The following CUX1 variants were observed in gnomAD, a reference collection of about 807,000 sequenced individuals.
The protein encoded by CUX1 is protein CASP.
CUX1 carries 31 observed loss-of-function variants against 158.8 expected under a neutral mutation model. The ratio of observed to expected loss-of-function variants is 0.20; its 90% CI spans 0.15 to 0.26. The LOEUF is 0.26. CUX1 is among the 10% of genes least tolerant of loss of function. CUX1 has a pLI of 1.00. For synonymous variants in CUX1, 879 were observed against 862.1 expected, an observed-to-expected ratio of 1.02 and a Z score of -0.34; for missense variants, 1,589 against 2,014.6, an observed-to-expected ratio of 0.79 and a Z score of 4.04.
chr7:101,932,328 T>A (rs1352677901), intron 2 of CUX1: 2 of 288,982 alleles, frequency 6.9e-6, no homozygotes, highest in Admixed American at 4.5e-5. Flanking sequence ...TGGGGTCAGG[T>A]GTGTTCACAT....
At chr7:102,071,391 G>T (rs984753821) in intron 4 of CUX1, among the ~76,000 whole-genome samples, 3 of 152,148 alleles carry the variant, frequency 2.0e-5, no homozygotes, top group Admixed American at 1.3e-4. Flanking sequence ...GAACTCTCTG[G>T]TCCTGTTTGT....
At chr7:102,108,209 CTAATA>C (rs1331977525) in intron 6 of CUX1, among the ~76,000 whole-genome samples, 6 of 152,006 alleles carry the variant, frequency 3.9e-5, no homozygotes, top group South Asian at 2.1e-4. Flanking sequence ...AGAAACGTAC[CTAATA>C]TAATATGAAG....
At chr7:101,953,689 G>T (rs933583079) in intron 2 of CUX1, among the ~76,000 whole-genome samples, 1 of 152,182 alleles carries the variant, frequency 6.6e-6, no homozygotes, top group Non-Finnish European at 1.5e-5. Flanking sequence ...TAGATAAGGC[G>T]CTGGATCAGC....
intron 3 of CUX1, among the ~76,000 whole-genome samples, chr7:102,038,028 C>T (rs1446901576): frequency 2.1e-5 from 3 of 141,472 alleles, no homozygotes; most frequent in African/African-American, 5.3e-5. Flanking sequence ...CCAGCCTGGG[C>T]GACAGAGTGA....
At chr7:102,160,881 G>C (rs1207891587) in intron 9 of CUX1, among the ~76,000 whole-genome samples, 1 of 152,164 alleles carries the variant, frequency 6.6e-6, no homozygotes, top group South Asian at 2.1e-4. Context: ...CCACGTAAAC[G>C]TCCTTGACGC....
chr7:102,004,081 G>C (rs1323926991), intron 2 of CUX1, among the ~76,000 whole-genome samples: 1 of 152,196 alleles, frequency 6.6e-6, no homozygotes, highest in African/African-American at 2.4e-5. Flanking sequence ...CCTGCACCTG[G>C]ATGCAGTGGG....
chr7:102,041,529 C>A (rs1221870942), intron 3 of CUX1, among the ~76,000 whole-genome samples: 1 of 151,978 alleles, frequency 6.6e-6, no homozygotes, highest in South Asian at 2.1e-4. Flanking sequence ...GCTGAGATTA[C>A]AAGCATGAGC....
At chr7:102,276,308 T>C (rs1791602345) in intron 17 of CUX1, among the ~76,000 whole-genome samples, 1 of 152,172 alleles carries the variant, frequency 6.6e-6, no homozygotes, top group Non-Finnish European at 1.5e-5. Flanking sequence ...GTTTTGGTTG[T>C]GTTTGTTTTT....
chr7:102,123,138 GGA>G (rs782097017), intron 8 of CUX1, among the ~76,000 whole-genome samples: 7 of 152,154 alleles, frequency 4.6e-5, no homozygotes, highest in Non-Finnish European at 1.0e-4. Context: ...GGCTAAGGTA[GGA>G]TAATTGCTTG....
At chr7:102,278,983 T>C (rs1586535320) in intron 18 of CUX1, among the ~76,000 whole-genome samples, 1 of 151,978 alleles carries the variant, frequency 6.6e-6, no homozygotes, top group Admixed American at 6.6e-5. Context: ...CAGGCTGCAG[T>C]GAGCTGAGAT....
chr7:102,259,764 AAAG>A (rs1554543246), downstream of CUX1, among the ~76,000 whole-genome samples: 19 of 140,994 alleles, frequency 1.3e-4, no homozygotes, highest in African/African-American at 5.0e-4. Flanking sequence ...AAAAGAAAGA[AAAG>A]AGAAAGGAAG....
intron 16 of CUX1, among the ~76,000 whole-genome samples, chr7:102,274,860 G>A (rs1791497735): frequency 6.6e-6 from 1 of 152,220 alleles, no homozygotes; most frequent in African/African-American, 2.4e-5. Flanking sequence ...GTGTGCCCAT[G>A]CCTCCCCAGT....
At chr7:101,823,467 G>A (rs1185750655) in intron 1 of CUX1, among the ~76,000 whole-genome samples, 1 of 152,190 alleles carries the variant, frequency 6.6e-6, no homozygotes, top group Non-Finnish European at 1.5e-5. Flanking sequence ...CCCCAGAGTG[G>A]ACCGGGCCCT....
chr7:102,250,943 C>CT lies in CUX1; in HGVS notation c.*1902dup. On this transcript the variant is annotated 3_prime_UTR_variant, in exon 24 of 24. Coordinates refer to ENST00000292535, the MANE Select transcript of CUX1 (RefSeq NM_181552.4). ...ACTTCTTTATTGCCATATCTTTAAA[C>CT]TAACAATAGATGATTTCGGTATATA... The CT allele has an allele frequency of 3.1e-6, 3 of 973,956 alleles. No individual in the cohort carries two copies. The highest frequency in any genetic ancestry group is 3.7e-6 in the Non-Finnish European group (3 of 819,674). The allele number at this position is 973,956 out of a possible 1,614,324, so 60.3% of individuals were successfully genotyped here.
chr7:102,246,727 G>A (rs1449151903), intron 23 of CUX1, among the ~76,000 whole-genome samples: 1 of 152,140 alleles, frequency 6.6e-6, no homozygotes, highest in South Asian at 2.1e-4. Flanking sequence ...CTGCCACCAC[G>A]CCTGGCTAAT....
At chr7:102,163,053 C>G (rs1790627740) in intron 9 of CUX1, among the ~76,000 whole-genome samples, 2 of 152,184 alleles carry the variant, frequency 1.3e-5, no homozygotes, top group South Asian at 4.1e-4. Context: ...CAGGTGAACC[C>G]ATTGGCATGA....
At chr7:102,152,471 T>C (rs947124141) in intron 8 of CUX1, among the ~76,000 whole-genome samples, 10 of 152,106 alleles carry the variant, frequency 6.6e-5, no homozygotes, top group African/African-American at 2.2e-4. Flanking sequence ...TAGGCTGGAG[T>C]GTAGTAGCAC....
At chr7:102,210,603 G>C (rs1392299793) in intron 20 of CUX1, among the ~76,000 whole-genome samples, 1 of 152,196 alleles carries the variant, frequency 6.6e-6, no homozygotes, top group Non-Finnish European at 1.5e-5. Flanking sequence ...GTGTATTATG[G>C]CTATCCAGGT....
chr7:102,004,992 C>G lies in CUX1; in HGVS notation c.142-23106C>G, dbSNP rs371230225. Among the ~76,000 whole-genome samples, 61 of 152,358 alleles carry G rather than the reference C, an allele frequency of 4.0e-4. 1 individual carries two copies. The East Asian group carries it at 6.9e-3, about 17-fold the overall frequency. On this transcript the variant is annotated intron_variant, in intron 2 of 23. Coordinates refer to ENST00000292535, the MANE Select transcript of CUX1 (RefSeq NM_181552.4). ...TCATGGGCCATAAAAATCCCAGCAG[C>G]TGGCTGGTTTTGGCCGGCTTGCCGC...
Sources: allele counts gnomAD v4.1 joint callset (sites outside exome capture counted in the v4.1 genomes callset), GRCh38; gene constraint gnomAD v4.1.1; transcripts MANE v1.5; gene names NCBI Gene and HGNC (gene_info 2026-07-23, HGNC 2026-07-21).